TNR: variants seen among roughly 807,000 people sequenced by gnomAD.
The protein encoded by TNR is tenascin-R.
TNR carries 45 observed loss-of-function variants against 150.4 expected under a neutral mutation model. That is an observed-to-expected ratio of 0.30 (90% CI 0.24 to 0.38). The LOEUF (loss-of-function observed/expected upper bound fraction) is 0.38. Among genes scored for constraint, TNR ranks in the 10% least tolerant of loss-of-function variants. TNR has a pLI of 1.00. For missense variants in TNR, 1,544 were observed against 1,759.1 expected (o/e 0.88, Z 2.19); for synonymous variants, 687 against 678.4 (o/e 1.01, Z -0.20).
chr1:175,555,515 GAAAA>G (rs56074366), intron 1 of TNR, among the ~76,000 whole-genome samples: 3,236 of 127,876 alleles, frequency 0.025, 122 homozygotes, highest in African/African-American at 0.088. Context: ...ACAACTGAGA[GAAAA>G]AAAAAAAAAA....
chr1:175,366,517 G>A (rs370694776), intron 10 of TNR, among the ~76,000 whole-genome samples: 1 of 152,330 alleles, frequency 6.6e-6, no homozygotes, highest in East Asian at 1.9e-4. Flanking sequence ...CAACAGAAGC[G>A]CACCACCCTC....
intron 2 of TNR, among the ~76,000 whole-genome samples, chr1:175,416,794 G>A (rs1400674989): frequency 6.6e-6 from 1 of 152,104 alleles, no homozygotes; most frequent in Non-Finnish European, 1.5e-5. Context: ...GGATCACGAC[G>A]TCAGGAGATC....
chr1:175,344,127 A>T (rs1281301627), intron 18 of TNR, among the ~76,000 whole-genome samples: 1 of 152,130 alleles, frequency 6.6e-6, no homozygotes, highest in Admixed American at 6.5e-5. Context: ...TCCTTTTGAG[A>T]TCTCTATCGG....
chr1:175,638,643 A>G (rs947773220), intron 1 of TNR, among the ~76,000 whole-genome samples: 1 of 152,178 alleles, frequency 6.6e-6, no homozygotes, highest in African/African-American at 2.4e-5. Context: ...AAGTTAGGGT[A>G]CCAAACTCCT....
chr1:175,708,038 G>T (rs757569527), intron 1 of TNR, among the ~76,000 whole-genome samples: 10 of 150,192 alleles, frequency 6.7e-5, no homozygotes, highest in Non-Finnish European at 1.3e-4. Context: ...GTGTGTGTGT[G>T]TGTGTGTGTG....
At chr1:175,518,906 C>A (rs1373531976) in intron 2 of TNR, among the ~76,000 whole-genome samples, 1 of 152,092 alleles carries the variant, frequency 6.6e-6, no homozygotes, top group Admixed American at 6.6e-5. Flanking sequence ...CTTTATCCAC[C>A]CCTCTGCCAT....
intron 2 of TNR, among the ~76,000 whole-genome samples, chr1:175,518,634 C>T (rs1004642875): frequency 6.6e-6 from 1 of 152,156 alleles, no homozygotes; most frequent in East Asian, 1.9e-4. Flanking sequence ...CACACAGTCC[C>T]TCTTGCTGCC....
chr1:175,474,509 C>A (rs989617350), intron 2 of TNR, among the ~76,000 whole-genome samples: 7 of 152,192 alleles, frequency 4.6e-5, no homozygotes, highest in African/African-American at 1.7e-4. Context: ...GTTGTTTAAG[C>A]CACCTAAGCT....
intron 1 of TNR, among the ~76,000 whole-genome samples, chr1:175,735,522 G>A (rs1391439191): frequency 6.6e-6 from 1 of 152,206 alleles, no homozygotes; most frequent in Non-Finnish European, 1.5e-5. Flanking sequence ...GCACTCAGTG[G>A]CCACAAGCCT....
intron 1 of TNR, among the ~76,000 whole-genome samples, chr1:175,578,133 G>C (rs371165391): frequency 6.6e-6 from 1 of 152,140 alleles, no homozygotes; most frequent in Non-Finnish European, 1.5e-5. Flanking sequence ...AGTTGTGTGT[G>C]CCTGGCTGAG....
chr1:175,558,015 C>T (rs1332433920), intron 1 of TNR, among the ~76,000 whole-genome samples: 32 of 109,922 alleles, frequency 2.9e-4, no homozygotes, highest in Admixed American at 4.2e-4. Context: ...AGTAAACTAT[C>T]GCAAGAACAA....
At chr1:175,655,041 A>G (rs928608100) in intron 1 of TNR, among the ~76,000 whole-genome samples, 1 of 152,038 alleles carries the variant, frequency 6.6e-6, no homozygotes, top group African/African-American at 2.4e-5. Context: ...CCTTCTATCA[A>G]GTGGGTGTGA....
At chr1:175,338,031 G>A (rs1650333537) in intron 18 of TNR, among the ~76,000 whole-genome samples, 1 of 152,230 alleles carries the variant, frequency 6.6e-6, no homozygotes, top group African/African-American at 2.4e-5. Flanking sequence ...CCCCCTTGAA[G>A]GGCAAAGATG....
intron 11 of TNR, 98 bp downstream of exon 11, chr1:175,365,777 G>A: frequency 6.6e-7 from 1 of 1,503,764 alleles, no homozygotes; most frequent in Non-Finnish European, 8.9e-7. Flanking sequence ...TTTCTCCAAA[G>A]GAAATGGAAC....
At chr1:175,371,479 GA>G (rs879716163) in intron 9 of TNR, among the ~76,000 whole-genome samples, 1 of 152,186 alleles carries the variant, frequency 6.6e-6, no homozygotes, top group Non-Finnish European at 1.5e-5. Context: ...TTTTGGGGGT[GA>G]AAAGGAATCT....
chr1:175,630,106 C>T (rs895607447), intron 1 of TNR, among the ~76,000 whole-genome samples: 1 of 152,066 alleles, frequency 6.6e-6, no homozygotes, highest in Non-Finnish European at 1.5e-5. Context: ...AAGTGCAGGC[C>T]CAAGTCTAGG....
At chr1:175,527,203 C>T (rs1224826810) in intron 2 of TNR, among the ~76,000 whole-genome samples, 2 of 152,186 alleles carry the variant, frequency 1.3e-5, no homozygotes, top group Admixed American at 6.5e-5. Context: ...CTAGAAGCAA[C>T]AAATTAACCA....
intron 1 of TNR, among the ~76,000 whole-genome samples, chr1:175,602,586 C>T (rs1462644762): frequency 6.6e-6 from 1 of 152,216 alleles, no homozygotes; most frequent in African/African-American, 2.4e-5. Context: ...GCACTGTGTC[C>T]TTCTCTTGCA....
chr1:175,361,944 G>C (rs1293972037), intron 14 of TNR, among the ~76,000 whole-genome samples: 1 of 152,216 alleles, frequency 6.6e-6, no homozygotes, highest in Non-Finnish European at 1.5e-5. Context: ...TTTCAAGAGG[G>C]AGGCCATGGG....
Sources: allele counts gnomAD v4.1 joint callset (sites outside exome capture counted in the v4.1 genomes callset), GRCh38; gene constraint gnomAD v4.1.1; transcripts MANE v1.5; gene names NCBI Gene and HGNC (gene_info 2026-07-23, HGNC 2026-07-21).